ITPRID1: variants seen among roughly 807,000 people sequenced by gnomAD.
The protein encoded by ITPRID1 is ITPR interacting domain containing 1.
A neutral mutation model predicts 95.4 loss-of-function variants in ITPRID1; 96 were observed. The observed-to-expected ratio is 1.01, with a 90% CI of 0.85 to 1.19. The LOEUF is 1.19. Ranked by LOEUF, ITPRID1 falls within the 50% of genes most tolerant of loss-of-function variation. The probability of loss-of-function intolerance (pLI) is 0.00; values close to 1 mark genes in which losing one functional copy is unlikely to be tolerated. For synonymous variants in ITPRID1, 510 were observed against 453.6 expected (o/e 1.12, Z -1.58); for missense variants, 1,339 against 1,252.9 (o/e 1.07, Z -1.04).
chr7:31,643,636 C>G lies in ITPRID1; in HGVS notation c.2266C>G (p.Gln756Glu). Residue 756 changes from glutamine to glutamate, a missense_variant, in exon 12 of 15, where the codon CAG becomes GAG. Gln to Glu is a conservative substitution (Grantham distance 29). Transcript: ENST00000615280. ...TETRLGTKAR[Q>E]LNDASIQTSA... Reference sequence around the variant, plus strand: ...AACAAGACTGGGGACAAAAGCAAGACAGTTAAATGATGCTTCCATTCAGAC... The same window carrying G: ...AACAAGACTGGGGACAAAAGCAAGAGAGTTAAATGATGCTTCCATTCAGAC... 6.2e-7 allele frequency: 1 copy of G among 1,614,046 alleles called. No individual in the cohort carries two copies. Among genetic ancestry groups the G allele is most frequent in the African/African-American group, 1.3e-5 (1 of 75,060 alleles).
At position 31,584,436 on chromosome 7, in the gene ITPRID1, C is replaced by T. The variant is rs549095338; in HGVS notation, c.1228+1245C>T. On this transcript the variant is annotated intron_variant, in intron 10 of 14. Transcript: ENST00000615280. ...CATCTGTTTCCCATCTAATTGAATG[C>T]TTTTCAATGAAGCTGGAGGTCCCCT... Among the ~76,000 whole-genome samples, 4 of 152,292 alleles carry T rather than the reference C, an allele frequency of 2.6e-5. No homozygotes were observed. The South Asian group carries it at 8.3e-4, about 32-fold the overall frequency.
chr7:31,539,711 T>C (rs1317341146), intron 1 of ITPRID1, among the ~76,000 whole-genome samples: 1 of 152,164 alleles, frequency 6.6e-6, no homozygotes, highest in Non-Finnish European at 1.5e-5. Context: ...TTTGGTCAGG[T>C]GCACTTTCTC....
chr7:31,574,447 AG>A, intron 7 of ITPRID1, 92 bp from the exon 8 acceptor site: 3 of 1,084,010 alleles, frequency 2.8e-6, no homozygotes, highest in South Asian at 2.8e-5. Context: ...TCTTTCACTC[AG>A]TATCTGGGAG....
chr7:31,610,796 CTATTTGGATAA>C (rs1429078620), intron 10 of ITPRID1, among the ~76,000 whole-genome samples: 1 of 151,264 alleles, frequency 6.6e-6, no homozygotes, highest in Non-Finnish European at 1.5e-5. Context: ...GTTTTGGTTA[CTATTTGGATAA>C]TATATCTTTT....
Position 31,642,797 on chromosome 7 carries a change from A to G in ITPRID1, c.1427A>G (p.Asp476Gly). The change falls in exon 12 of 15, where the codon GAT (aspartate) becomes GGT (glycine). Residue 476 changes from aspartate (D) to glycine (G), a missense_variant. Physicochemically the swap from Asp to Gly is moderately conservative, Grantham distance 94. Transcript: ENST00000615280. Reference protein sequence around the residue: ...QDCQLESDGPDSKSRASMSFS... With the variant: ...QDCQLESDGPGSKSRASMSFS... ...TGTCAGCTAGAGTCGGATGGGCCAGATTCCAAAAGTAGGGCGAGCATGTCT... is the reference window on the plus strand; with the variant it reads ...TGTCAGCTAGAGTCGGATGGGCCAGGTTCCAAAAGTAGGGCGAGCATGTCT... 6.2e-7 allele frequency: 1 copy of G among 1,614,004 alleles called. No individual in the cohort carries two copies. The highest frequency in any genetic ancestry group is 8.5e-7 in the Non-Finnish European group (1 of 1,179,880).
chr7:31,634,600 A>G (rs540317964), intron 10 of ITPRID1, among the ~76,000 whole-genome samples: 122 of 152,272 alleles, frequency 8.0e-4, no homozygotes, highest in African/African-American at 2.5e-3. Flanking sequence ...CATGGAGCCT[A>G]ACTAGATTTC....
chr7:31,554,411 AC>A, intron 3 of ITPRID1, 63 bp from the exon 4 acceptor site: 1 of 1,569,754 alleles, frequency 6.4e-7, no homozygotes. Context: ...GGCTGAGTAA[AC>A]AGGGTAGCAT....
At position 31,536,921 on chromosome 7, in the gene ITPRID1, G is replaced by C. The variant is rs542900468; in HGVS notation, c.-97-12505G>C. Among the ~76,000 whole-genome samples, 85 of 152,286 alleles carry C rather than the reference G, an allele frequency of 5.6e-4. No individual in the cohort carries two copies. The South Asian group carries it at 7.9e-3, about 14-fold the overall frequency. On this transcript the variant is annotated intron_variant, in intron 1 of 14. Coordinates refer to ENST00000615280, the MANE Select transcript of ITPRID1 (RefSeq NM_001257967.3). ...AAGTAGCTGCTGCCTCTTATTCAGA[G>C]TAAGTCTTGGAAAGCTTAGAGGAGT...
In ITPRID1 at chr7:31,651,967, CG is replaced by C; in HGVS notation, c.2741del (p.Arg914LeufsTer4). The C allele has an allele frequency of 1.2e-6, 2 of 1,602,632 alleles. No individual in the cohort carries two copies. Among genetic ancestry groups the C allele is most frequent in the Non-Finnish European group, 1.7e-6 (2 of 1,174,752 alleles). On this transcript the variant is annotated frameshift_variant, in exon 14 of 15. Transcript: ENST00000615280. LOFTEE classifies it high-confidence loss of function. ...GGAGGCCGAGCAACTGCAAACGTTA[CG>C]TGAGGCCCTGAGGCAGCAGGTGGCA... ...REEAEQLQTL[R>X]EALRQQVAEL... is the part of the protein sequence containing the mutation.
chr7:31,656,491 A>C lies in ITPRID1; in HGVS notation c.*3662A>C. The C allele has an allele frequency of 1.0e-6, 1 of 982,368 alleles. No individual in the cohort carries two copies. The highest frequency in any genetic ancestry group is 1.2e-6 in the Non-Finnish European group (1 of 827,668). 60.9% of individuals were successfully genotyped at this position (982,368 alleles called of 1,614,324 possible). On this transcript the variant is annotated 3_prime_UTR_variant, in exon 15 of 15. Coordinates refer to ENST00000615280, the MANE Select transcript of ITPRID1 (RefSeq NM_001257967.3). The stretch of plus-strand genomic sequence containing the variant: ...AAGTGCACATACCAAGAACTCAATA[A>C]ATGCTAACTGTAATTACTGTCTTCC...
intron 3 of ITPRID1, 127 bp downstream of exon 3, chr7:31,553,314 G>C (rs1436647664): frequency 1.2e-6 from 1 of 843,108 alleles, no homozygotes; most frequent in Non-Finnish European, 1.8e-6. Flanking sequence ...CAGTGTTCCT[G>C]GCATGATGCC....
At chr7:31,619,797 C>T (rs879710787) in intron 10 of ITPRID1, among the ~76,000 whole-genome samples, 22 of 152,228 alleles carry the variant, frequency 1.4e-4, no homozygotes, top group Admixed American at 3.3e-4. Context: ...GCTGAAGCAG[C>T]GCGAGGCATT....
chr7:31,618,840 A>G (rs959833658), intron 10 of ITPRID1, among the ~76,000 whole-genome samples: 3 of 152,216 alleles, frequency 2.0e-5, no homozygotes, highest in African/African-American at 7.2e-5. Flanking sequence ...TGCCGCAAAT[A>G]TAAGTTGTGA....
intron 10 of ITPRID1, among the ~76,000 whole-genome samples, chr7:31,592,035 G>T (rs1039553942): frequency 2.6e-5 from 4 of 152,124 alleles, no homozygotes; most frequent in African/African-American, 7.2e-5. Flanking sequence ...AACATAAAAT[G>T]GCAGATGGGA....
At chr7:31,658,322 A>G (rs1292242291), downstream of ITPRID1, 13 of 1,525,184 alleles carry the variant, frequency 8.5e-6, no homozygotes, top group African/African-American at 1.4e-5. Context: ...TCAAAAGCAA[A>G]TAACTCTGCT....
At chr7:31,561,826 A>G (rs186204663) in intron 5 of ITPRID1, among the ~76,000 whole-genome samples, 199 of 152,228 alleles carry the variant, frequency 1.3e-3, no homozygotes, top group Admixed American at 4.5e-3. Context: ...ACTCTTCTTC[A>G]TGGTCACCAA....
intron 2 of ITPRID1, among the ~76,000 whole-genome samples, chr7:31,551,005 A>G (rs1475128198): frequency 6.9e-6 from 1 of 143,986 alleles, no homozygotes; most frequent in Non-Finnish European, 1.6e-5. Flanking sequence ...TTTCCTCCAC[A>G]GTGCAAACTC....
intron 10 of ITPRID1, among the ~76,000 whole-genome samples, chr7:31,607,726 C>G (rs1786685654): frequency 1.3e-5 from 1 of 78,428 alleles, no homozygotes; most frequent in Admixed American, 1.6e-4. Context: ...ATTTTAAGCA[C>G]AAATTTTCTT....
chr7:31,610,057 A>C (rs1786797517), intron 10 of ITPRID1, among the ~76,000 whole-genome samples: 1 of 151,582 alleles, frequency 6.6e-6, no homozygotes, highest in South Asian at 2.1e-4. Context: ...TGTTTTAAAA[A>C]ATTGCTACAT....
Sources: allele counts gnomAD v4.1 joint callset (sites outside exome capture counted in the v4.1 genomes callset), GRCh38; gene constraint gnomAD v4.1.1; transcripts MANE v1.5; gene names NCBI Gene and HGNC (gene_info 2026-07-23, HGNC 2026-07-21).